The following PELI2 variants were observed in gnomAD, a reference collection of about 807,000 sequenced individuals.
PELI2 encodes the protein pellino E3 ubiquitin protein ligase family member 2, also known as E3 ubiquitin-protein ligase pellino homolog 2.
Under a neutral mutation model 42.3 loss-of-function variants are expected in PELI2, and 23 were observed. The ratio of observed to expected loss-of-function variants is 0.54; its 90% CI spans 0.39 to 0.77. PELI2 has a LOEUF of 0.77. Among genes scored for constraint, PELI2 ranks in the 30% least tolerant of loss-of-function variants. PELI2 has a pLI of 0.00. For missense variants in PELI2, 463 were observed against 553.2 expected (o/e 0.84, Z 1.64); for synonymous variants, 245 against 212.2 (o/e 1.15, Z -1.34).
chr14:56,167,887 T>C (rs1885019307), intron 1 of PELI2, among the ~76,000 whole-genome samples: 1 of 152,222 alleles, frequency 6.6e-6, no homozygotes. Flanking sequence ...TAGGGGGCAC[T>C]TCAGGCCCAG....
intron 2 of PELI2, among the ~76,000 whole-genome samples, chr14:56,188,012 C>T (rs1053420155): frequency 6.6e-6 from 1 of 152,208 alleles, no homozygotes; most frequent in African/African-American, 2.4e-5. Flanking sequence ...TACTAGCCCT[C>T]AATATCAGTA....
At chr14:56,209,305 C>T (rs150419128) in intron 2 of PELI2, among the ~76,000 whole-genome samples, 3 of 152,156 alleles carry the variant, frequency 2.0e-5, no homozygotes, top group Non-Finnish European at 4.4e-5. Flanking sequence ...ACCACAGCAG[C>T]GTCTGCCATT....
rs1887707121 is a variant in PELI2, at chr14:56,234,420, CACAAAAAA to C, written c.208-45255_208-45248del. On this transcript the variant is annotated intron_variant, in intron 2 of 5. Coordinates refer to ENST00000267460, the MANE Select transcript of PELI2 (RefSeq NM_021255.3). ...TATACACCATGGAATACTATACAGCCACAAAAAAGGATGAGTTCATGTCCTTTGTAGGG... is the reference window on the plus strand; with the variant it reads ...TATACACCATGGAATACTATACAGCCGGATGAGTTCATGTCCTTTGTAGGG... 2.0e-5 allele frequency among the ~76,000 whole-genome samples: 3 copies of C among 152,146 alleles called. No homozygotes were observed. In the South Asian group the frequency reaches 6.2e-4, roughly 32 times the overall value.
Position 56,154,860 on chromosome 14 carries a change from T to C in PELI2, c.78-23475T>C, listed in dbSNP as rs139040815. Among the ~76,000 whole-genome samples the C allele has an allele frequency of 3.9e-5, 6 of 152,360 alleles. 1 individual carries two copies. Among genetic ancestry groups the C allele is most frequent in the African/African-American group, 1.4e-4 (6 of 41,588 alleles). ...AAATTACTTTGTGGAGAGATTGTAC[T>C]AAGTAACATTCTTAACGGTAGTATG... On this transcript the variant is annotated intron_variant, in intron 1 of 5. Coordinates refer to ENST00000267460, the MANE Select transcript of PELI2 (RefSeq NM_021255.3).
chr14:56,209,544 TCG>T (rs1886641058), intron 2 of PELI2, among the ~76,000 whole-genome samples: 3 of 55,564 alleles, frequency 5.4e-5, no homozygotes, highest in Admixed American at 2.4e-4. Context: ...ATAAAATATT[TCG>T]TTTCGTGGTA....
intron 2 of PELI2, among the ~76,000 whole-genome samples, chr14:56,227,053 C>T (rs899603): frequency 0.9 from 137,217 of 152,298 alleles, 62,086 homozygotes; most frequent in Middle Eastern, 0.93. Context: ...GTCTATTATA[C>T]AAAATGAAAA....
chr14:56,251,190 G>A (rs895789684), intron 2 of PELI2, among the ~76,000 whole-genome samples: 5 of 152,176 alleles, frequency 3.3e-5, no homozygotes, highest in African/African-American at 1.2e-4. Context: ...TGCTCACAGC[G>A]GGCAGCAGGA....
chr14:56,143,291 C>T (rs1883984501), intron 1 of PELI2, among the ~76,000 whole-genome samples: 1 of 152,214 alleles, frequency 6.6e-6, no homozygotes. Flanking sequence ...CTTAGTGTAT[C>T]ACAGCAGGAT....
chr14:56,241,311 A>G (rs753645790), intron 2 of PELI2, among the ~76,000 whole-genome samples: 4 of 152,180 alleles, frequency 2.6e-5, no homozygotes, highest in African/African-American at 2.4e-5. Flanking sequence ...AAGTAGAACA[A>G]TTGGGGGGGA....
intron 2 of PELI2, among the ~76,000 whole-genome samples, chr14:56,179,485 A>G (rs530142673): frequency 7.2e-5 from 11 of 152,328 alleles, no homozygotes; most frequent in Admixed American, 5.9e-4. Flanking sequence ...GGAGGTGCCA[A>G]TTGAAGCGAT....
At chr14:56,282,277 T>C (rs1317009761) in intron 3 of PELI2, among the ~76,000 whole-genome samples, 2 of 152,124 alleles carry the variant, frequency 1.3e-5, no homozygotes, top group Non-Finnish European at 2.9e-5. Flanking sequence ...GCTCCAAACA[T>C]ATTAAATGAG....
At chr14:56,125,184 C>T (rs903343055) in intron 1 of PELI2, among the ~76,000 whole-genome samples, 11 of 152,108 alleles carry the variant, frequency 7.2e-5, no homozygotes, top group African/African-American at 2.7e-4. Context: ...GACCTAGTTT[C>T]GTGTGATTGA....
intron 2 of PELI2, among the ~76,000 whole-genome samples, chr14:56,274,203 G>C (rs1566677863): frequency 6.6e-6 from 1 of 151,652 alleles, no homozygotes; most frequent in Non-Finnish European, 1.5e-5. Flanking sequence ...CAGGGAAAAG[G>C]ACATTAGTAA....
chr14:56,249,051 C>T (rs943809617), intron 2 of PELI2, among the ~76,000 whole-genome samples: 3 of 152,106 alleles, frequency 2.0e-5, no homozygotes, highest in African/African-American at 4.8e-5. Flanking sequence ...AACAGGTAAT[C>T]CCTGTCATAG....
At chr14:56,186,263 G>A (rs1263641200) in intron 2 of PELI2, among the ~76,000 whole-genome samples, 1 of 152,150 alleles carries the variant, frequency 6.6e-6, no homozygotes, top group Non-Finnish European at 1.5e-5. Context: ...TGTCCAGCAA[G>A]GAAACAAGGG....
chr14:56,121,385 T>C (rs1405119333), intron 1 of PELI2, among the ~76,000 whole-genome samples: 1 of 152,208 alleles, frequency 6.6e-6, no homozygotes, highest in African/African-American at 2.4e-5. Context: ...TCTTTTTGTG[T>C]GTTACACAGT....
intron 2 of PELI2, among the ~76,000 whole-genome samples, chr14:56,238,399 C>T (rs4243604): frequency 0.42 from 63,865 of 151,982 alleles, 13,824 homozygotes; most frequent in South Asian, 0.53. Context: ...TTCAGTCTTC[C>T]AGTAATACAT....
chr14:56,126,619 C>T (rs534507195), intron 1 of PELI2, among the ~76,000 whole-genome samples: 5 of 152,234 alleles, frequency 3.3e-5, no homozygotes, highest in East Asian at 1.9e-4. Context: ...CGGAGGACCT[C>T]GGTGGCCCCC....
chr14:56,124,872 C>G (rs554796832), intron 1 of PELI2, among the ~76,000 whole-genome samples: 2 of 152,212 alleles, frequency 1.3e-5, no homozygotes, highest in African/African-American at 4.8e-5. Flanking sequence ...CTCTTTATGG[C>G]TAGGAAAGAA....
Sources: allele counts gnomAD v4.1 joint callset (sites outside exome capture counted in the v4.1 genomes callset), GRCh38; gene constraint gnomAD v4.1.1; transcripts MANE v1.5; gene names NCBI Gene and HGNC (gene_info 2026-07-23, HGNC 2026-07-21).